C1orf174: variants seen among roughly 807,000 people sequenced by gnomAD.
C1orf174 encodes the protein UPF0688 protein C1orf174.
C1orf174 carries 13 observed loss-of-function variants against 18.4 expected under a neutral mutation model. The observed-to-expected ratio is 0.71, with a 90% CI of 0.46 to 1.12. The LOEUF (loss-of-function observed/expected upper bound fraction) is 1.12, where lower values mean the gene tolerates loss of function less well. Ranked by LOEUF, C1orf174 falls within the 50% of genes most tolerant of loss-of-function variation. The probability of loss-of-function intolerance (pLI) is 0.00; values close to 1 mark genes in which losing one functional copy is unlikely to be tolerated. For synonymous variants in C1orf174, 100 were observed against 118.3 expected (o/e 0.85, Z 1.01); for missense variants, 309 against 308.0 (o/e 1.00, Z -0.02).
Position 3,891,075 on chromosome 1 carries a change from G to T in C1orf174, c.130-18C>A. ...GAGGAAGTCTGTCAAGAAAAAAAAT[G>T]TAAGGGGAACCAGACATATCTAGCA... is the stretch of plus-strand genomic sequence containing the variant. On this transcript the variant is annotated intron_variant, in intron 2 of 3. Transcript: ENST00000361605. 1 of 1,597,068 alleles carries T rather than the reference G, an allele frequency of 6.3e-7. No individual in the cohort carries two copies. Among genetic ancestry groups the T allele is most frequent in the Non-Finnish European group, 8.5e-7 (1 of 1,174,600 alleles).
chr1:3,893,010 G>A lies in C1orf174; in HGVS notation c.16-14C>T, dbSNP rs769420476. ...TGCACCTGTGAGCTAGAGAGATTGA[G>A]AGCCACTCAGAGAGTGCTCTCAGGA... On this transcript the variant is annotated splice_polypyrimidine_tract_variant and intron_variant, in intron 1 of 3. Transcript: ENST00000361605. 2.5e-6 allele frequency: 4 copies of A among 1,612,550 alleles called. No homozygotes were observed. Among genetic ancestry groups the A allele is most frequent in the Non-Finnish European group, 2.5e-6 (3 of 1,179,302 alleles).
Position 3,893,133 on chromosome 1 carries a change from T to C in C1orf174, c.16-137A>G, listed in dbSNP as rs1638545505. The C allele has an allele frequency of 7.8e-6, 7 of 898,928 alleles. 1 individual carries two copies. In the South Asian group the frequency reaches 1.2e-4, roughly 16 times the overall value. 55.7% of individuals were successfully genotyped at this position (898,928 alleles called of 1,614,324 possible). On this transcript the variant is annotated intron_variant, in intron 1 of 3. Transcript: ENST00000361605. Reference sequence around the variant, plus strand: ...ATTTTATCATCTTTGTGGAGACAGCTGTGGCCCGAATGTGTAAATCCAAAT... The same window carrying C: ...ATTTTATCATCTTTGTGGAGACAGCCGTGGCCCGAATGTGTAAATCCAAAT...
intron 1 of C1orf174, among the ~76,000 whole-genome samples, chr1:3,894,398 G>C (rs1330081970): frequency 6.6e-6 from 1 of 152,076 alleles, no homozygotes; most frequent in South Asian, 2.1e-4. Flanking sequence ...ACAAGGTCAG[G>C]AGATCGAGAC....
Position 3,890,720 on chromosome 1 carries a change from C to T in C1orf174, c.467G>A (p.Ser156Asn). 1 of 1,614,098 alleles carries T rather than the reference C, an allele frequency of 6.2e-7. No individual in the cohort carries two copies. The highest frequency in any genetic ancestry group is 8.5e-7 in the Non-Finnish European group (1 of 1,180,016). Residue 156 changes from serine to asparagine, a missense_variant, in exon 3 of 4, where the codon AGC (serine) becomes AAC (asparagine). By Grantham distance (46) the Ser-to-Asn change is conservative. Coordinates refer to ENST00000361605, the MANE Select transcript of C1orf174 (RefSeq NM_207356.3). ...AGSGAEESNS[S>N]STVQKQNEPG... is the part of the protein sequence containing the mutation. ...CTCATTCTGCTTCTGCACAGTGGAGCTGCTGTTGGATTCTTCTGCTCCGGA... is the reference window on the plus strand; with the variant it reads ...CTCATTCTGCTTCTGCACAGTGGAGTTGCTGTTGGATTCTTCTGCTCCGGA...
intron 2 of C1orf174, chr1:3,891,503 G>A (rs1384818876): frequency 6.5e-6 from 5 of 769,222 alleles, no homozygotes; most frequent in Non-Finnish European, 7.9e-6. Flanking sequence ...AAATATTTGT[G>A]AAATTGACTT....
chr1:3,891,750 G>C (rs1302571383), intron 2 of C1orf174: 1 of 985,826 alleles, frequency 1.0e-6, no homozygotes, highest in Non-Finnish European at 1.2e-6. Flanking sequence ...GAGGCTGCAC[G>C]GCAATGGGCC....
chr1:3,898,863 T>C (rs1638656387), intron 1 of C1orf174, among the ~76,000 whole-genome samples: 1 of 152,196 alleles, frequency 6.6e-6, no homozygotes, highest in African/African-American at 2.4e-5. Flanking sequence ...CACAGTACTG[T>C]TGAGTTTGTA....
chr1:3,894,768 G>A (rs1198346100), intron 1 of C1orf174, among the ~76,000 whole-genome samples: 2 of 152,166 alleles, frequency 1.3e-5, no homozygotes, highest in African/African-American at 2.4e-5. Context: ...GCAGCCCACC[G>A]GAGGCCAGGA....
intron 1 of C1orf174, among the ~76,000 whole-genome samples, chr1:3,898,516 A>AAACAACAAC (rs774183697): frequency 0.032 from 4,390 of 139,258 alleles, 69 homozygotes; most frequent in African/African-American, 0.042. Context: ...CTCAAAGCAA[A>AAACAACAAC]AACAACAACA....
At chr1:3,893,526 A>G (rs1366050222) in intron 1 of C1orf174, among the ~76,000 whole-genome samples, 1 of 152,244 alleles carries the variant, frequency 6.6e-6, no homozygotes, top group African/African-American at 2.4e-5. Context: ...TAATAACAAG[A>G]AAGAAATTAA....
chr1:3,890,841 C>G lies in C1orf174; in HGVS notation c.346G>C (p.Ala116Pro). 1 of 1,613,328 alleles carries G rather than the reference C, an allele frequency of 6.2e-7. No individual in the cohort carries two copies. Among genetic ancestry groups the G allele is most frequent in the South Asian group, 1.1e-5 (1 of 91,068 alleles). ...CAGCCACCGAGAGGAAGACTTGCAG[C>G]CCCCTGCTGCACAGAAACGCCAGCC... ...SEAGVSVQQG[A>P]ASLPLGGCRV... Residue 116 changes from alanine (A) to proline (P), a missense_variant, in exon 3 of 4, where the codon GCT becomes CCT. Coordinates refer to ENST00000361605, the MANE Select transcript of C1orf174 (RefSeq NM_207356.3).
Position 3,889,979 on chromosome 1 carries a change from T to A in C1orf174, c.713A>T (p.Asp238Val). 6.2e-7 allele frequency: 1 copy of A among 1,614,152 alleles called. No homozygotes were observed. The highest frequency in any genetic ancestry group is 8.5e-7 in the Non-Finnish European group (1 of 1,179,966). The change falls in exon 4 of 4, where the codon GAC (aspartate) becomes GTC (valine). Residue 238 changes from aspartate to valine, a missense_variant. By Grantham distance (152) the Asp-to-Val change is radical. Coordinates refer to ENST00000361605, the MANE Select transcript of C1orf174 (RefSeq NM_207356.3). ...FRAKDDDDDD[D>V]DDAEM The stretch of plus-strand genomic sequence containing the variant: ...TGGCCCCTACATTTCTGCATCATCG[T>A]CGTCGTCATCATCATCATCTTTGGC...
chr1:3,890,137 T>C, intron 3 of C1orf174, 64 bp from the exon 4 acceptor site: 1 of 1,323,788 alleles, frequency 7.6e-7, no homozygotes. Context: ...GCATTTGCAA[T>C]GTGCCCCACC....
Position 3,890,064 on chromosome 1 carries a change from G to C in C1orf174, c.628C>G (p.Pro210Ala). 6.2e-7 allele frequency: 1 copy of C among 1,613,958 alleles called. No individual in the cohort carries two copies. Among genetic ancestry groups the C allele is most frequent in the Non-Finnish European group, 8.5e-7 (1 of 1,179,852 alleles). The change falls in exon 4 of 4, where the codon CCT becomes GCT. Residue 210 changes from proline (P) to alanine (A), a missense_variant. Pro to Ala is a conservative substitution (Grantham distance 27, BLOSUM62 -1). Coordinates refer to ENST00000361605, the MANE Select transcript of C1orf174 (RefSeq NM_207356.3). Reference protein sequence around the residue: ...GNVELMQDLPPASSSCPSMSR... With the variant: ...GNVELMQDLPAASSSCPSMSR... ...ATTGAAGGACAAGATGAAGACGCAG[G>C]TGGGAGGTCCTTAGTGGAGAAGAAA...
intron 1 of C1orf174, chr1:3,895,235 T>C (rs1332764157): frequency 6.6e-6 from 1 of 152,302 alleles, no homozygotes; most frequent in Non-Finnish European, 1.5e-5. Flanking sequence ...GGTAAGGAGC[T>C]TATGAGGTTA....
At chr1:3,894,539 G>A (rs1403776851) in intron 1 of C1orf174, among the ~76,000 whole-genome samples, 2 of 150,364 alleles carry the variant, frequency 1.3e-5, no homozygotes, top group African/African-American at 2.5e-5. Flanking sequence ...CCCAGGAGGC[G>A]GAGCTTGCAG....
Position 3,892,912 on chromosome 1 carries a change from C to T in C1orf174, c.100G>A (p.Gly34Ser), listed in dbSNP as rs755235952. 10 of 1,614,082 alleles carry T rather than the reference C, an allele frequency of 6.2e-6. No homozygotes were observed. The South Asian group carries it at 9.9e-5, about 16-fold the overall frequency. Residue 34 changes from glycine to serine, a missense_variant, in exon 2 of 4, where the codon GGT becomes AGT. By Grantham distance (56) the Gly-to-Ser change is moderately conservative. Transcript: ENST00000361605. Reference sequence around the variant, plus strand: ...CATGCTGTCTTGGCAGACGTGGAACCAGCAACTTCCTGGGCAGAGGCCAAC... The same window carrying T: ...CATGCTGTCTTGGCAGACGTGGAACTAGCAACTTCCTGGGCAGAGGCCAAC... ...ARLASAQEVA[G>S]STSAKTACLT...
rs183839513 is a variant in C1orf174, at chr1:3,892,875, G to A, written c.129+8C>T. 2,781 of 1,613,830 alleles carry A rather than the reference G, an allele frequency of 1.7e-3. 7 individuals are homozygous for A. The highest frequency in any genetic ancestry group is 2.3e-3 in the Non-Finnish European group (2,678 of 1,179,860). ...GATCTTGGCGTTCTCCACGGTAACAGGGCTCACCAGACATGCTGTCTTGGC... is the reference window on the plus strand; with the variant it reads ...GATCTTGGCGTTCTCCACGGTAACAAGGCTCACCAGACATGCTGTCTTGGC... On this transcript the variant is annotated splice_region_variant and intron_variant, in intron 2 of 3. Transcript: ENST00000361605.
chr1:3,893,000 G>T lies in C1orf174; in HGVS notation c.16-4C>A. The T allele has an allele frequency of 6.2e-7, 1 of 1,613,480 alleles. No homozygotes were observed. Among genetic ancestry groups the T allele is most frequent in the Non-Finnish European group, 8.5e-7 (1 of 1,179,700 alleles). ...AAGACCGCACTGCACCTGTGAGCTA[G>T]AGAGATTGAGAGCCACTCAGAGAGT... On this transcript the variant is annotated splice_polypyrimidine_tract_variant and splice_region_variant and intron_variant, in intron 1 of 3. Coordinates refer to ENST00000361605, the MANE Select transcript of C1orf174 (RefSeq NM_207356.3).
Sources: allele counts gnomAD v4.1 joint callset (sites outside exome capture counted in the v4.1 genomes callset), GRCh38; gene constraint gnomAD v4.1.1; transcripts MANE v1.5; gene names NCBI Gene and HGNC (gene_info 2026-07-23, HGNC 2026-07-21).